The following NUP160 variants were observed in gnomAD, a reference collection of about 807,000 sequenced individuals.
NUP160 encodes nucleoporin 160.
In NUP160, 94 loss-of-function variants were observed where a neutral mutation model predicts 196.9. That is an observed-to-expected ratio of 0.48 (90% CI 0.40 to 0.57). The LOEUF (loss-of-function observed/expected upper bound fraction) is 0.57, where lower values mean the gene tolerates loss of function less well. Among genes scored for constraint, NUP160 ranks in the 20% least tolerant of loss-of-function variants. The pLI is 0.00. For synonymous variants in NUP160, 605 were observed against 619.7 expected, an observed-to-expected ratio of 0.98 and a Z score of 0.35; for missense variants, 1,638 against 1,748.3, an observed-to-expected ratio of 0.94 and a Z score of 1.13.
chr11:47,778,257 C>T (rs1198113329), exon 36 of NUP160: 1 of 152,390 alleles, frequency 6.6e-6, no homozygotes, highest in Non-Finnish European at 1.5e-5. Flanking sequence ...TTTTAATATA[C>T]AGAATAAAAT....
At position 47,798,076 on chromosome 11, in the gene NUP160, T is replaced by C; in HGVS notation, c.3087-2A>G. 1 of 1,572,410 alleles carries C rather than the reference T, an allele frequency of 6.4e-7. No individual in the cohort carries two copies. Among genetic ancestry groups the C allele is most frequent in the Non-Finnish European group, 8.7e-7 (1 of 1,151,634 alleles). ...AACTGCCGTAAACAATCTAATTGCCTAGAAGGAAAGAAAGGAATATGAGGG... is the reference window on the plus strand; with the variant it reads ...AACTGCCGTAAACAATCTAATTGCCCAGAAGGAAAGAAAGGAATATGAGGG... On this transcript the variant is annotated splice_acceptor_variant, in intron 25 of 35. Transcript: ENST00000378460. LOFTEE classifies it high-confidence loss of function.
intron 2 of NUP160, among the ~76,000 whole-genome samples, chr11:47,845,422 G>C (rs1023630754): frequency 1.3e-5 from 2 of 152,206 alleles, no homozygotes; most frequent in African/African-American, 2.4e-5. Context: ...TTACAGGTGT[G>C]AGCCACCATG....
intron 28 of NUP160, 72 bp from the exon 29 acceptor site, chr11:47,792,062 T>C (rs1324743065): frequency 1.6e-5 from 17 of 1,041,932 alleles, no homozygotes; most frequent in South Asian, 1.3e-4. Flanking sequence ...CGGTGATTCA[T>C]AGCTTTTATG....
exon 34 of NUP160, chr11:47,783,148 T>C (rs779474348): frequency 6.2e-7 from 1 of 1,614,008 alleles, no homozygotes; most frequent in Non-Finnish European, 8.5e-7. Context: ...CAGCTTCTTC[T>C]AAAAGGTCAT....
intron 2 of NUP160, among the ~76,000 whole-genome samples, chr11:47,847,113 T>C (rs1852414865): frequency 6.6e-6 from 1 of 152,128 alleles, no homozygotes; most frequent in African/African-American, 2.4e-5. Context: ...CACTTTCTGT[T>C]TTACCCACTG....
In NUP160 at chr11:47,820,741, G is replaced by A. The variant is rs577902681; in HGVS notation, c.1277+983C>T. On this transcript the variant is annotated intron_variant, in intron 9 of 35. Coordinates refer to ENST00000378460, the Ensembl canonical transcript of NUP160. ...TAATTTTTGTATTTTTAGTAGAGAT[G>A]GGGTTTCACCATGTTGGCCAGGCTG... is the stretch of plus-strand genomic sequence containing the variant. Among the ~76,000 whole-genome samples, 6 of 152,008 alleles carry A rather than the reference G, an allele frequency of 3.9e-5. No homozygotes were observed. In the South Asian group the frequency reaches 1.2e-3, roughly 32 times the overall value.
intron 4 of NUP160, 39 bp from the exon 5 acceptor site, chr11:47,837,662 A>G: frequency 1.3e-6 from 2 of 1,487,374 alleles, no homozygotes; most frequent in Non-Finnish European, 1.9e-6. Context: ...ACACACTTAG[A>G]GAAACCCAAA....
intron 32 of NUP160, among the ~76,000 whole-genome samples, chr11:47,785,322 G>A (rs1052707221): frequency 4.6e-5 from 7 of 151,878 alleles, no homozygotes; most frequent in Non-Finnish European, 1.0e-4. Flanking sequence ...GTAGAGACAA[G>A]GACTTGCTAT....
rs536770916 is a variant in NUP160 at position 47,807,783 on chromosome 11, G to A, written c.2375+613C>T. On this transcript the variant is annotated intron_variant, in intron 18 of 35. Transcript: ENST00000378460. ...TATGGTCTTTCCTTCTGGTTTCATC[G>A]TATTTTATATTCAACATAATTTATA... Among the ~76,000 whole-genome samples, 11 of 152,144 alleles carry A rather than the reference G, an allele frequency of 7.2e-5. No individual in the cohort carries two copies. The South Asian group carries it at 1.2e-3, about 17-fold the overall frequency.
chr11:47,835,707 A>T, exon 7 of NUP160: 1 of 1,605,848 alleles, frequency 6.2e-7, no homozygotes, highest in African/African-American at 1.3e-5. Flanking sequence ...ATGGTGGGGG[A>T]ATAAGCAAGC....
chr11:47,814,538 C>CA (rs1164398938), intron 13 of NUP160, among the ~76,000 whole-genome samples: 6,711 of 91,012 alleles, frequency 0.074, 263 homozygotes, highest in East Asian at 0.27. Flanking sequence ...AAGACTGTCT[C>CA]AAAAAAAAAA....
At chr11:47,806,655 G>T in intron 19 of NUP160, 1 of 243,718 alleles carries the variant, frequency 4.1e-6, no homozygotes, top group Non-Finnish European at 7.8e-6. Flanking sequence ...AAATTCTCCA[G>T]AATAATGGTT....
exon 1 of NUP160, chr11:47,848,381 C>T: frequency 6.2e-7 from 1 of 1,606,612 alleles, no homozygotes; most frequent in Non-Finnish European, 8.5e-7. Flanking sequence ...GCCGTCACTT[C>T]CGGGGGTGGG....
At chr11:47,848,023 C>A in intron 1 of NUP160, 64 bp from the exon 2 acceptor site, 6 of 1,392,944 alleles carry the variant, frequency 4.3e-6, no homozygotes, top group Admixed American at 1.7e-5. Flanking sequence ...ACTAAGGGAG[C>A]TGACAAAGCA....
At chr11:47,782,296 AAAAAAAAATATATATATAT>A (rs1168381385) in intron 34 of NUP160, among the ~76,000 whole-genome samples, 36 of 49,564 alleles carry the variant, frequency 7.3e-4, no homozygotes, top group South Asian at 2.4e-3. Context: ...AGTTAAAAAA[AAAAAAAAATATATATATAT>A]ATATATATAT....
rs190399072 is a variant in NUP160 at position 47,824,904 on chromosome 11, C to T, written c.1102-2740G>A. On this transcript the variant is annotated intron_variant, in intron 7 of 35. Transcript: ENST00000378460. ...AGGCTGGAGTGCAGTGGTGTGATCT[C>T]GGCTCACTGCGAGCTCCACCTCCTG... Among the ~76,000 whole-genome samples the T allele has an allele frequency of 7.2e-3, 1,086 of 151,334 alleles. 13 individuals are homozygous for T. Among genetic ancestry groups the T allele is most frequent in the African/African-American group, 0.025 (1,044 of 41,180 alleles).
At position 47,821,838 on chromosome 11, in the gene NUP160, G is replaced by GA. The variant is rs745440862; in HGVS notation, c.1180-18dup. 7.0e-6 allele frequency: 11 copies of GA among 1,564,872 alleles called. No homozygotes were observed. The highest frequency in any genetic ancestry group is 6.8e-5 in the African/African-American group (5 of 73,584). Reference sequence around the variant, plus strand: ...CAGTGTCTCCTAGGAGGAAATGTGGGAAAAAAAGGGATAAAATAAGAAAGA... The same window carrying GA: ...CAGTGTCTCCTAGGAGGAAATGTGGGAAAAAAAAGGGATAAAATAAGAAAGA... On this transcript the variant is annotated splice_polypyrimidine_tract_variant and intron_variant, in intron 8 of 35. Coordinates refer to ENST00000378460, the Ensembl canonical transcript of NUP160.
At chr11:47,832,004 C>A (rs1852087106) in intron 7 of NUP160, among the ~76,000 whole-genome samples, 1 of 147,824 alleles carries the variant, frequency 6.8e-6, no homozygotes, top group Non-Finnish European at 1.5e-5. Context: ...CAGGTTCAAA[C>A]CATTCTCCTG....
At chr11:47,836,938 G>A in exon 6 of NUP160, 1 of 1,613,712 alleles carries the variant, frequency 6.2e-7, no homozygotes, top group Non-Finnish European at 8.5e-7. Context: ...CAAAGATGAA[G>A]GCATCATGCT....
Sources: allele counts gnomAD v4.1 joint callset (sites outside exome capture counted in the v4.1 genomes callset), GRCh38; gene constraint gnomAD v4.1.1; transcripts MANE v1.5; gene names NCBI Gene and HGNC (gene_info 2026-07-23, HGNC 2026-07-21).